Variants in SULT2A1 observed in about 807,000 individuals in gnomAD.
SULT2A1 encodes the protein sulfotransferase 2A1.
Under a neutral mutation model 33.9 loss-of-function variants are expected in SULT2A1, and 43 were observed. That is an observed-to-expected ratio of 1.27 (90% CI 1.00 to 1.64). The LOEUF is 1.64. SULT2A1 is among the 40% of genes most tolerant of loss of function. The probability of loss-of-function intolerance (pLI) is 0.00; values close to 1 mark genes in which losing one functional copy is unlikely to be tolerated. For synonymous variants in SULT2A1, 125 were observed against 113.6 expected, an observed-to-expected ratio of 1.10 and a Z score of -0.64; for missense variants, 300 against 335.1, an observed-to-expected ratio of 0.90 and a Z score of 0.82.
Position 47,886,255 on chromosome 19 carries a change from CATG to C in SULT2A1, c.-1_2del, listed in dbSNP as rs755696072. The C allele has an allele frequency of 1.9e-6, 3 of 1,613,934 alleles. No individual in the cohort carries two copies. Among genetic ancestry groups the C allele is most frequent in the East Asian group, 2.2e-5 (1 of 44,866 alleles). ...CTTCAAACCATAAGAAATCGTCCGACATGATGATGACCTCTTCCTGCGTGGTGT... is the reference window on the plus strand; with the variant it reads ...CTTCAAACCATAAGAAATCGTCCGACATGATGACCTCTTCCTGCGTGGTGT... On this transcript the variant is annotated start_lost and start_retained_variant and 5_prime_UTR_variant, in exon 1 of 6. Transcript: ENST00000222002.
At chr19:47,874,084 T>C (rs892985393) in intron 5 of SULT2A1, among the ~76,000 whole-genome samples, 5 of 152,136 alleles carry the variant, frequency 3.3e-5, no homozygotes, top group African/African-American at 1.2e-4. Context: ...ATAATGCTCA[T>C]GTCACATTCT....
At chr19:47,878,008 T>C (rs971508100) in intron 4 of SULT2A1, among the ~76,000 whole-genome samples, 4 of 152,184 alleles carry the variant, frequency 2.6e-5, no homozygotes, top group African/African-American at 9.7e-5. Context: ...TGTCAGACAC[T>C]CGGAACCATC....
At chr19:47,877,784 C>T (rs2122148127) in intron 4 of SULT2A1, among the ~76,000 whole-genome samples, 1 of 152,252 alleles carries the variant, frequency 6.6e-6, no homozygotes, top group African/African-American at 2.4e-5. Flanking sequence ...CTCCTGGACT[C>T]AAGCCATCCA....
In SULT2A1 at chr19:47,870,599, C is replaced by T. The variant is rs1968480146; in HGVS notation, c.*856G>A. ...TACATGTGATGAAAAGAAATGGAAC[C>T]TTAATTGCTCCTGTAATTTTATTTC... On this transcript the variant is annotated 3_prime_UTR_variant, in exon 6 of 6. Transcript: ENST00000222002. The T allele has an allele frequency of 1.4e-5, 2 of 147,874 alleles. No homozygotes were observed. Among genetic ancestry groups the T allele is most frequent in the Admixed American group, 1.4e-4 (2 of 14,790 alleles). 9.2% of individuals were successfully genotyped at this position (147,874 alleles called of 1,614,324 possible).
intron 5 of SULT2A1, among the ~76,000 whole-genome samples, chr19:47,872,329 A>G (rs1419219146): frequency 6.6e-6 from 1 of 152,044 alleles, no homozygotes; most frequent in African/African-American, 2.4e-5. Context: ...TCTAGGTTTC[A>G]CTCAAGTACA....
chr19:47,886,129 G>C lies in SULT2A1; in HGVS notation c.129C>G (p.Pro43=). 1 of 1,613,754 alleles carries C rather than the reference G, an allele frequency of 6.2e-7. No individual in the cohort carries two copies. The highest frequency in any genetic ancestry group is 8.5e-7 in the Non-Finnish European group (1 of 1,179,884). Residue 43 remains proline, a synonymous_variant, in exon 1 of 6, where the codon CCC becomes CCG. Coordinates refer to ENST00000222002, the MANE Select transcript of SULT2A1 (RefSeq NM_003167.4). The stretch of plus-strand genomic sequence containing the variant: ...ACGATTCTGCCTCCTTACCTGATTT[G>C]GGGTAAGTCAATATTATTACATCTT... ...RDEDVIILTY[P]KSGTNWLAEI...
intron 3 of SULT2A1, among the ~76,000 whole-genome samples, chr19:47,881,097 G>A (rs1017151305): frequency 5.9e-5 from 9 of 152,054 alleles, no homozygotes; most frequent in South Asian, 2.1e-4. Flanking sequence ...GTGCAGTGGC[G>A]TGATCTTGGC....
intron 1 of SULT2A1, 53 bp downstream of exon 1, chr19:47,886,069 A>G (rs1345923731): frequency 6.3e-7 from 1 of 1,594,310 alleles, no homozygotes; most frequent in African/African-American, 1.3e-5. Context: ...CATGCACTGA[A>G]TGGACAGGAA....
At chr19:47,872,119 TGTTGGCCAG>T (rs1449976137) in intron 5 of SULT2A1, among the ~76,000 whole-genome samples, 1 of 152,130 alleles carries the variant, frequency 6.6e-6, no homozygotes, top group Admixed American at 6.6e-5. Context: ...GGTTTTGCCA[TGTTGGCCAG>T]GCTGGTCTCA....
At chr19:47,878,812 G>A (rs1244538673) in intron 4 of SULT2A1, among the ~76,000 whole-genome samples, 1 of 152,100 alleles carries the variant, frequency 6.6e-6, no homozygotes, top group Non-Finnish European at 1.5e-5. Flanking sequence ...AACGTGCCTG[G>A]CTTAGATGTT....
chr19:47,875,930 T>G (rs955428080), intron 4 of SULT2A1, among the ~76,000 whole-genome samples: 1 of 152,174 alleles, frequency 6.6e-6, no homozygotes, highest in African/African-American at 2.4e-5. Context: ...ACACAGAGTT[T>G]TACAATATCT....
At chr19:47,878,483 C>T (rs930489659) in intron 4 of SULT2A1, among the ~76,000 whole-genome samples, 9 of 147,640 alleles carry the variant, frequency 6.1e-5, no homozygotes, top group South Asian at 2.2e-4. Flanking sequence ...CCACTGCACC[C>T]GGTGCCAAAA....
intron 5 of SULT2A1, among the ~76,000 whole-genome samples, chr19:47,872,312 C>T (rs899056457): frequency 2.6e-5 from 4 of 152,102 alleles, no homozygotes; most frequent in Non-Finnish European, 2.9e-5. Flanking sequence ...TCAGATTTTC[C>T]GAGGACTCTA....
At chr19:47,883,844 C>CA in intron 1 of SULT2A1, 59 bp from the exon 2 acceptor site, 1 of 1,508,656 alleles carries the variant, frequency 6.6e-7, no homozygotes, top group Non-Finnish European at 9.0e-7. Flanking sequence ...CATGGTGGCT[C>CA]ACGCCTGTAA....
intron 2 of SULT2A1, among the ~76,000 whole-genome samples, chr19:47,882,411 G>C (rs1261800060): frequency 6.6e-6 from 1 of 152,086 alleles, no homozygotes; most frequent in Non-Finnish European, 1.5e-5. Flanking sequence ...TATATCAATG[G>C]AAGAAGGAAG....
At chr19:47,883,195 T>C (rs1489319429) in intron 2 of SULT2A1, among the ~76,000 whole-genome samples, 1 of 152,054 alleles carries the variant, frequency 6.6e-6, no homozygotes, top group Non-Finnish European at 1.5e-5. Context: ...CACCTCTGTG[T>C]CTTTTCTGTG....
rs1251093322 is a variant in SULT2A1 at position 47,882,107 on chromosome 19, A to C, written c.449T>G (p.Phe150Cys). The C allele has an allele frequency of 1.2e-6, 2 of 1,613,886 alleles. No homozygotes were observed. Among genetic ancestry groups the C allele is most frequent in the Non-Finnish European group, 1.7e-6 (2 of 1,179,950 alleles). ...IKKPKSWEEYFEWFCQGTVLY... is the reference protein window; with the variant it reads ...IKKPKSWEEYCEWFCQGTVLY... ...ACCAGTTCCTTGACAAAACCATTCAAAATATTCTTCCCATGACTTTGGTTT... is the reference window on the plus strand; with the variant it reads ...ACCAGTTCCTTGACAAAACCATTCACAATATTCTTCCCATGACTTTGGTTT... The change falls in exon 3 of 6, where the codon TTT becomes TGT. Residue 150 changes from phenylalanine (F) to cysteine (C), a missense_variant. Phe to Cys is a radical substitution (Grantham distance 205, BLOSUM62 -2). Transcript: ENST00000222002.
chr19:47,873,824 C>T (rs1440104230), intron 5 of SULT2A1, among the ~76,000 whole-genome samples: 1 of 151,396 alleles, frequency 6.6e-6, no homozygotes, highest in Non-Finnish European at 1.5e-5. Context: ...GGGGTTTCAC[C>T]ATGTTAGCCA....
rs772645576 is a variant in SULT2A1 at position 47,871,435 on chromosome 19, G to A, written c.*20C>T. On this transcript the variant is annotated 3_prime_UTR_variant, in exon 6 of 6. Coordinates refer to ENST00000222002, the MANE Select transcript of SULT2A1 (RefSeq NM_003167.4). ...AGAATCAATGTCATTCTCCATATAA[G>A]ATCCAGAGTGTTTTGGACGTTATTC... is the stretch of plus-strand genomic sequence containing the variant. 3.2e-6 allele frequency: 5 copies of A among 1,547,900 alleles called. No individual in the cohort carries two copies. The highest frequency in any genetic ancestry group is 3.3e-5 in the Admixed American group (2 of 59,876).
Sources: gnomAD v4.1 joint callset for allele counts (sites outside exome capture counted in the v4.1 genomes callset) on GRCh38, gnomAD v4.1.1 for gene constraint, MANE v1.5 for transcripts, NCBI Gene and HGNC (gene_info 2026-07-23, HGNC 2026-07-21) for gene names.